RFC3: variants seen among roughly 807,000 people sequenced by gnomAD.
RFC3 encodes replication factor C subunit 3.
RFC3 carries 41 observed loss-of-function variants against 45.1 expected under a neutral mutation model. The observed-to-expected ratio is 0.91, with a 90% confidence interval of 0.71 to 1.18. RFC3 has a LOEUF of 1.18. RFC3 is among the 50% of genes most tolerant of loss of function. The pLI is 0.00. For synonymous variants in RFC3, 149 were observed against 144.0 expected (o/e 1.03, Z -0.25); for missense variants, 423 against 428.1 (o/e 0.99, Z 0.10).
intron 8 of RFC3, among the ~76,000 whole-genome samples, chr13:33,884,229 T>C (rs1408090430): frequency 6.6e-6 from 1 of 152,216 alleles, no homozygotes; most frequent in Non-Finnish European, 1.5e-5. Flanking sequence ...CCTCTCCCAT[T>C]CTTTAGATGC....
chr13:33,859,408 A>G (rs1237484587), intron 8 of RFC3, among the ~76,000 whole-genome samples: 1 of 152,220 alleles, frequency 6.6e-6, no homozygotes, highest in African/African-American at 2.4e-5. Context: ...TAACATTATG[A>G]TAAAAAGTAT....
intron 8 of RFC3, among the ~76,000 whole-genome samples, chr13:33,961,859 A>G (rs2083059259): frequency 6.6e-6 from 1 of 152,060 alleles, no homozygotes; most frequent in Non-Finnish European, 1.5e-5. Flanking sequence ...CCTTAGGATA[A>G]TGTGAATTTG....
chr13:33,836,247 A>G lies in RFC3; in HGVS notation c.1023A>G (p.Ala341=), dbSNP rs1446459946. ...AAGCGTTTGTGGCCAAATTCATGGCACTTTATAAGAAGTTCATGGAGGATG... is the reference window on the plus strand; with the variant it reads ...AAGCGTTTGTGGCCAAATTCATGGCGCTTTATAAGAAGTTCATGGAGGATG... ...HLEAFVAKFM[A]LYKKFMEDGL... Residue 341 remains alanine (A), a synonymous_variant, in exon 9 of 9, where the codon GCA becomes GCG. Coordinates refer to ENST00000380071, the MANE Select transcript of RFC3 (RefSeq NM_002915.4). 3.1e-6 allele frequency: 5 copies of G among 1,613,442 alleles called. No homozygotes were observed. The highest frequency in any genetic ancestry group is 2.5e-6 in the Non-Finnish European group (3 of 1,179,472).
At chr13:33,939,079 C>G (rs1005383547) in intron 8 of RFC3, among the ~76,000 whole-genome samples, 2 of 151,966 alleles carry the variant, frequency 1.3e-5, no homozygotes, top group African/African-American at 4.8e-5. Flanking sequence ...GAAGGGCATG[C>G]TAAGGTGTTT....
chr13:33,854,296 A>G (rs760371976), intron 8 of RFC3, among the ~76,000 whole-genome samples: 64 of 152,200 alleles, frequency 4.2e-4, no homozygotes, highest in Non-Finnish European at 7.4e-4. Context: ...GAAAGCAAAG[A>G]CAAAGTAAAT....
downstream of RFC3, among the ~76,000 whole-genome samples, chr13:33,967,165 T>TA (rs956852104): frequency 2.1e-4 from 32 of 149,328 alleles, no homozygotes; most frequent in South Asian, 6.4e-4. Context: ...CTTAAAAAAT[T>TA]AAAAAAAAAA....
At chr13:33,829,685 C>G (rs1210386833) in intron 4 of RFC3, 151 bp from the exon 5 acceptor site, 2 of 655,472 alleles carry the variant, frequency 3.1e-6, no homozygotes, top group African/African-American at 1.8e-5. Context: ...GTAATTTTAC[C>G]ATACTTATAA....
intron 8 of RFC3, among the ~76,000 whole-genome samples, chr13:33,933,340 T>C (rs924602748): frequency 1.3e-5 from 2 of 152,136 alleles, no homozygotes; most frequent in African/African-American, 4.8e-5. Flanking sequence ...AATGAGCTCC[T>C]ATTGTGTTAA....
chr13:33,896,406 A>G (rs994590707), intron 8 of RFC3, among the ~76,000 whole-genome samples: 1 of 151,998 alleles, frequency 6.6e-6, no homozygotes, highest in Non-Finnish European at 1.5e-5. Flanking sequence ...AGGCAAAGAG[A>G]GGATAGTAAA....
intron 6 of RFC3, 40 bp from the exon 7 acceptor site, chr13:33,831,216 A>C (rs1164618783): frequency 8.0e-7 from 1 of 1,256,216 alleles, no homozygotes. Context: ...ACATAAGCAC[A>C]CTTCTGTTTA....
chr13:33,819,039 C>T (rs944897103), intron 1 of RFC3, among the ~76,000 whole-genome samples: 12 of 151,776 alleles, frequency 7.9e-5, no homozygotes, highest in Non-Finnish European at 2.9e-5. Flanking sequence ...TACAGGCGCC[C>T]GCCACCACGC....
At chr13:33,935,799 A>C (rs1489976817) in intron 8 of RFC3, among the ~76,000 whole-genome samples, 1 of 152,172 alleles carries the variant, frequency 6.6e-6, no homozygotes, top group Non-Finnish European at 1.5e-5. Flanking sequence ...AGGAACAAAC[A>C]AAAAAACCAA....
intron 8 of RFC3, among the ~76,000 whole-genome samples, chr13:33,903,421 C>G (rs1000083276): frequency 6.6e-6 from 1 of 151,946 alleles, no homozygotes; most frequent in African/African-American, 2.4e-5. Context: ...TAATATAACT[C>G]GTGATAAGTT....
intron 6 of RFC3, 36 bp downstream of exon 6, chr13:33,830,891 G>GC: frequency 6.3e-7 from 1 of 1,577,678 alleles, no homozygotes; most frequent in East Asian, 2.3e-5. Context: ...TAGGACTTTG[G>GC]CCCCCAAGCT....
intron 8 of RFC3, among the ~76,000 whole-genome samples, chr13:33,861,010 C>T (rs1001243855): frequency 6.6e-6 from 1 of 151,998 alleles, no homozygotes; most frequent in Admixed American, 6.6e-5. Flanking sequence ...GTGATCCTCC[C>T]GCCTCAGCCT....
intron 8 of RFC3, among the ~76,000 whole-genome samples, chr13:33,886,500 A>G (rs1213031439): frequency 1.3e-5 from 2 of 149,080 alleles, no homozygotes; most frequent in Non-Finnish European, 3.0e-5. Context: ...GAGCCACTGC[A>G]CTCCAGCCTG....
intron 8 of RFC3, among the ~76,000 whole-genome samples, chr13:33,851,316 C>T (rs1406879322): frequency 1.3e-5 from 2 of 152,094 alleles, no homozygotes; most frequent in Non-Finnish European, 2.9e-5. Flanking sequence ...GAGCATCAAC[C>T]CGTCACAGTT....
intron 8 of RFC3, among the ~76,000 whole-genome samples, chr13:33,861,423 T>G (rs1593646111): frequency 6.6e-6 from 1 of 151,778 alleles, no homozygotes; most frequent in African/African-American, 2.4e-5. Flanking sequence ...AGGTCAGGAG[T>G]TTGAGACCAG....
At chr13:33,976,970 T>G in the RFC3 span, among the ~76,000 whole-genome samples, 1 of 152,122 alleles carries the variant, frequency 6.6e-6, no homozygotes, top group Non-Finnish European at 1.5e-5. Context: ...TCCTGTTGAT[T>G]GTGATGTGAT....
Sources: allele counts gnomAD v4.1 joint callset (sites outside exome capture counted in the v4.1 genomes callset), GRCh38; gene constraint gnomAD v4.1.1; transcripts MANE v1.5; gene names NCBI Gene and HGNC (gene_info 2026-07-23, HGNC 2026-07-21).